DEPTOR: variants seen among roughly 807,000 people sequenced by gnomAD.
DEPTOR encodes the protein DEP domain-containing mTOR-interacting protein.
DEPTOR carries 41 observed loss-of-function variants against 41.6 expected under a neutral mutation model. That is an observed-to-expected ratio of 0.98 (90% confidence interval 0.77 to 1.28). The LOEUF is 1.28. Among genes scored for constraint, DEPTOR ranks in the 50% most tolerant of loss-of-function variants. The probability of loss-of-function intolerance (pLI) is 0.00; values close to 1 mark genes in which losing one functional copy is unlikely to be tolerated. For missense variants in DEPTOR, 514 were observed against 527.9 expected (o/e 0.97, Z 0.26); for synonymous variants, 195 against 192.3 (o/e 1.01, Z -0.12).
At chr8:119,922,004 G>T (rs997908631) in intron 1 of DEPTOR, among the ~76,000 whole-genome samples, 1 of 151,932 alleles carries the variant, frequency 6.6e-6, no homozygotes, top group South Asian at 2.1e-4. Context: ...TTGGGAGGCC[G>T]AGGTGGGTGG....
rs565853540 is a variant in DEPTOR at position 120,050,868 on chromosome 8, G to A, written c.*1164G>A. On this transcript the variant is annotated 3_prime_UTR_variant, in exon 9 of 9. Coordinates refer to ENST00000286234, the MANE Select transcript of DEPTOR (RefSeq NM_022783.4). Reference sequence around the variant, plus strand: ...CCAAATAATGGATCTGAATGATGACGTTAATTTTTTATCATGCATTAACAA... The same window carrying A: ...CCAAATAATGGATCTGAATGATGACATTAATTTTTTATCATGCATTAACAA... The A allele has an allele frequency of 5.3e-5, 8 of 152,020 alleles. No homozygotes were observed. The highest frequency in any genetic ancestry group is 2.1e-4 in the South Asian group (1 of 4,810). The allele number at this position is 152,020 out of a possible 1,614,324, so 9.4% of individuals were successfully genotyped here. A position where few individuals can be genotyped will look rare whatever the true frequency, so the allele number is the denominator to read the frequency against.
chr8:119,875,643 A>G (rs937160365), intron 1 of DEPTOR, among the ~76,000 whole-genome samples: 13 of 152,184 alleles, frequency 8.5e-5, no homozygotes, highest in Non-Finnish European at 1.9e-4. Context: ...AGCTGCTGGG[A>G]CTGATGGGTG....
chr8:120,005,744 A>AGGATGGAT (rs538543957), intron 6 of DEPTOR, among the ~76,000 whole-genome samples: 2 of 152,178 alleles, frequency 1.3e-5, no homozygotes, highest in Non-Finnish European at 2.9e-5. Flanking sequence ...TAGTGAGCAC[A>AGGATGGAT]GGATGGATGG....
At chr8:120,020,638 A>G (rs767129947) in intron 8 of DEPTOR, among the ~76,000 whole-genome samples, 1 of 152,208 alleles carries the variant, frequency 6.6e-6, no homozygotes, top group Non-Finnish European at 1.5e-5. Flanking sequence ...TGTGACTGGC[A>G]GGAGGGCTGC....
intron 4 of DEPTOR, among the ~76,000 whole-genome samples, chr8:119,996,894 C>T (rs1812269685): frequency 6.6e-6 from 1 of 152,108 alleles, no homozygotes; most frequent in African/African-American, 2.4e-5. Flanking sequence ...TCAATAAACT[C>T]AGAAGGTTGC....
At chr8:120,022,886 C>G (rs544925325) in intron 8 of DEPTOR, among the ~76,000 whole-genome samples, 1 of 152,218 alleles carries the variant, frequency 6.6e-6, no homozygotes, top group South Asian at 2.1e-4. Context: ...TGACCTGTAC[C>G]TGGAAGAGAT....
chr8:120,022,178 A>AAAAAAAAAAAAAAAAT (rs1812729360), intron 8 of DEPTOR, among the ~76,000 whole-genome samples: 2 of 150,138 alleles, frequency 1.3e-5, no homozygotes, highest in African/African-American at 2.4e-5. Context: ...AAAAAAAAAA[A>AAAAAAAAAAAAAAAAT]GATGCATGGA....
intron 1 of DEPTOR, among the ~76,000 whole-genome samples, chr8:119,887,076 G>C (rs1012980021): frequency 4.9e-5 from 7 of 143,790 alleles, no homozygotes; most frequent in African/African-American, 1.8e-4. Context: ...ATGGAGAAAT[G>C]GTTATGTGTT....
intron 1 of DEPTOR, among the ~76,000 whole-genome samples, chr8:119,895,573 G>A (rs568455489): frequency 6.6e-6 from 1 of 152,228 alleles, no homozygotes; most frequent in African/African-American, 2.4e-5. Flanking sequence ...TATTTCTGGA[G>A]GACAAGTATT....
intron 1 of DEPTOR, among the ~76,000 whole-genome samples, chr8:119,911,866 T>G (rs1827749567): frequency 3.3e-5 from 5 of 152,190 alleles, no homozygotes; most frequent in Non-Finnish European, 7.3e-5. Context: ...TATGGTTTCC[T>G]TCTGTCCAGA....
chr8:119,944,437 T>C (rs1464582286), intron 3 of DEPTOR, among the ~76,000 whole-genome samples: 6 of 152,182 alleles, frequency 3.9e-5, no homozygotes. Flanking sequence ...TTTGACATCC[T>C]TCCTCTTTGC....
rs111478223 is a variant in DEPTOR, at chr8:119,988,773, G to A, written c.605-12752G>A. ...GCTGGGATTACAGGTGTGAACCACC[G>A]TGTCCGGCCTACTAGGCCTTTTACA... On this transcript the variant is annotated intron_variant, in intron 4 of 8. Coordinates refer to ENST00000286234, the MANE Select transcript of DEPTOR (RefSeq NM_022783.4). 6.9e-3 allele frequency among the ~76,000 whole-genome samples: 1,054 copies of A among 152,194 alleles called. 5 individuals are homozygous for A. Among genetic ancestry groups the A allele is most frequent in the Non-Finnish European group, 0.011 (765 of 68,020 alleles).
chr8:119,994,827 G>A (rs1256946473), intron 4 of DEPTOR, among the ~76,000 whole-genome samples: 1 of 150,800 alleles, frequency 6.6e-6, no homozygotes, highest in African/African-American at 2.4e-5. Flanking sequence ...TGAGGCAGGA[G>A]AATTGCTTGA....
At chr8:119,894,412 T>TTTA (rs1554671423) in intron 1 of DEPTOR, among the ~76,000 whole-genome samples, 51 of 148,752 alleles carry the variant, frequency 3.4e-4, no homozygotes, top group Middle Eastern at 3.4e-3. Context: ...TTATTTATTT[T>TTTA]TTGAGACAGA....
chr8:119,885,930 C>T (rs558330851), intron 1 of DEPTOR, among the ~76,000 whole-genome samples: 4 of 151,974 alleles, frequency 2.6e-5, no homozygotes, highest in South Asian at 2.1e-4. Flanking sequence ...CTTCAGCTCT[C>T]GGTGTACTAA....
At position 119,941,924 on chromosome 8, in the gene DEPTOR, C is replaced by T. The variant is rs551281225; in HGVS notation, c.425+11986C>T. On this transcript the variant is annotated intron_variant, in intron 3 of 8. Transcript: ENST00000286234. ...AATGAACCCACTAAATAAAGATAAACGGTATGCAGCTTAATCAATTTTTAA... is the reference window on the plus strand; with the variant it reads ...AATGAACCCACTAAATAAAGATAAATGGTATGCAGCTTAATCAATTTTTAA... Among the ~76,000 whole-genome samples, 6 of 152,218 alleles carry T rather than the reference C, an allele frequency of 3.9e-5. No individual in the cohort carries two copies. In the East Asian group the frequency reaches 5.8e-4, roughly 15 times the overall value.
intron 8 of DEPTOR, among the ~76,000 whole-genome samples, chr8:120,011,036 A>G (rs1454856133): frequency 6.6e-6 from 1 of 152,200 alleles, no homozygotes; most frequent in Non-Finnish European, 1.5e-5. Flanking sequence ...CATTTATTCA[A>G]TACTTTCATC....
chr8:119,878,081 C>T (rs1827251899), intron 1 of DEPTOR, among the ~76,000 whole-genome samples: 1 of 152,112 alleles, frequency 6.6e-6, no homozygotes, highest in Non-Finnish European at 1.5e-5. Context: ...CAGGCACGCC[C>T]TATTTTCTAT....
chr8:120,019,978 T>G (rs1163055231), intron 8 of DEPTOR, among the ~76,000 whole-genome samples: 2 of 152,154 alleles, frequency 1.3e-5, no homozygotes, highest in Non-Finnish European at 2.9e-5. Flanking sequence ...GATTTCACCT[T>G]CACCCCGGTA....
Sources: allele counts gnomAD v4.1 joint callset (sites outside exome capture counted in the v4.1 genomes callset), GRCh38; gene constraint gnomAD v4.1.1; transcripts MANE v1.5; gene names NCBI Gene and HGNC (gene_info 2026-07-23, HGNC 2026-07-21).